Variants in ARRB2 observed in about 807,000 individuals in gnomAD.
ARRB2 encodes the protein arrestin beta 2.
In ARRB2, 21 loss-of-function variants were observed where a neutral mutation model predicts 53.4. The ratio of observed to expected loss-of-function variants is 0.39; its 90% confidence interval spans 0.28 to 0.57. The LOEUF is 0.57. ARRB2 is among the 20% of genes least tolerant of loss of function. ARRB2 has a pLI of 0.55. For synonymous variants in ARRB2, 180 were observed against 212.9 expected (o/e 0.85, Z 1.34); for missense variants, 369 against 527.5 (o/e 0.70, Z 2.94).
rs1485908093 is a variant in ARRB2, at chr17:4,720,928, C to G, written c.1137-18C>G. On this transcript the variant is annotated intron_variant, in intron 14 of 14. Transcript: ENST00000269260. ...AGTCAGAAGCCCTCACCTCACAACCCTCTTTCCCACCACCAAGCTATGCCA... is the reference window on the plus strand; with the variant it reads ...AGTCAGAAGCCCTCACCTCACAACCGTCTTTCCCACCACCAAGCTATGCCA... The G allele has an allele frequency of 1.9e-6, 3 of 1,613,080 alleles. No individual in the cohort carries two copies. The highest frequency in any genetic ancestry group is 2.7e-5 in the African/African-American group (2 of 74,894).
chr17:4,714,371 G>C (rs1366537392), intron 1 of ARRB2, among the ~76,000 whole-genome samples: 1 of 152,180 alleles, frequency 6.6e-6, no homozygotes. Flanking sequence ...CAAAGGCCAG[G>C]GTCATTGCTC....
At chr17:4,716,648 GC>G in intron 5 of ARRB2, 40 bp downstream of exon 5, 1 of 1,544,696 alleles carries the variant, frequency 6.5e-7, no homozygotes, top group Non-Finnish European at 8.7e-7. Flanking sequence ...GGGGGCTGGG[GC>G]TGGGACTGTG....
intron 1 of ARRB2, among the ~76,000 whole-genome samples, chr17:4,712,080 T>C (rs757362973): frequency 3.3e-5 from 5 of 152,172 alleles, no homozygotes; most frequent in Non-Finnish European, 7.4e-5. Context: ...CACACTCCAG[T>C]TGGCCCACTG....
At position 4,717,702 on chromosome 17, in the gene ARRB2, T is replaced by C. The variant is rs754356239; in HGVS notation, c.435T>C (p.Phe145=). Residue 145 remains phenylalanine (F), a synonymous_variant, in exon 7 of 15, where the codon TTT becomes TTC. Coordinates refer to ENST00000269260, the MANE Select transcript of ARRB2 (RefSeq NM_004313.4). This position sits in a 1 kb window ranked among gnomAD's most constrained non-coding sequence, Gnocchi z 6.0. ...EDTGKACGVD[F]EIRAFCAKSL... ...TCCCCGAGGCCTGCGGCGTAGACTT[T>C]GAGATTCGAGCCTTCTGTGCTAAAT... 23 of 1,612,556 alleles carry C rather than the reference T, an allele frequency of 1.4e-5. No individual in the cohort carries two copies. Among genetic ancestry groups the C allele is most frequent in the Non-Finnish European group, 2.0e-5 (23 of 1,178,680 alleles).
chr17:4,720,899 C>T (rs1702610501), intron 14 of ARRB2, 47 bp from the exon 15 acceptor site: 1 of 1,585,250 alleles, frequency 6.3e-7, no homozygotes, highest in Non-Finnish European at 8.7e-7. Flanking sequence ...GAGGCTGGGA[C>T]AAGAGTCAGA....
chr17:4,715,071 G>A (rs1312861149), intron 2 of ARRB2, 28 bp downstream of exon 2: 8 of 1,600,740 alleles, frequency 5.0e-6, no homozygotes, highest in Non-Finnish European at 6.8e-6. Context: ...TTACCCTTTT[G>A]ACCCTCCCTG....
At chr17:4,716,277 A>T in intron 4 of ARRB2, 86 bp downstream of exon 4, 1 of 1,608,258 alleles carries the variant, frequency 6.2e-7, no homozygotes, top group Non-Finnish European at 8.5e-7. Flanking sequence ...CCCCAGAGAG[A>T]TGGAGGCTGG....
intron 1 of ARRB2, among the ~76,000 whole-genome samples, chr17:4,712,875 C>T (rs1914556694): frequency 1.3e-5 from 2 of 152,266 alleles, no homozygotes; most frequent in Non-Finnish European, 2.9e-5. Flanking sequence ...CCACCATTTA[C>T]TCCCTCTGTG....
intron 2 of ARRB2, chr17:4,715,715 ACACACACACAAAC>A: frequency 4.3e-6 from 2 of 460,372 alleles, no homozygotes; most frequent in Non-Finnish European, 7.9e-6. Flanking sequence ...ACACACACAC[ACACACACACAAAC>A]ACACACACAC....
chr17:4,715,492 C>CACAA (rs1914869812), intron 2 of ARRB2: 3 of 172,880 alleles, frequency 1.7e-5, no homozygotes, highest in African/African-American at 9.1e-5. Flanking sequence ...CACAGACACA[C>CACAA]ACACACATAC....
chr17:4,715,265 C>A (rs1173316275), intron 2 of ARRB2: 2 of 571,990 alleles, frequency 3.5e-6, no homozygotes, highest in Non-Finnish European at 3.1e-6. Flanking sequence ...GCTTGGGTCC[C>A]CAAGCAAGAC....
Position 4,717,076 on chromosome 17 carries a change from C to T in ARRB2, c.358-141C>T, listed in dbSNP as rs1597481948. On this transcript the variant is annotated intron_variant, in intron 5 of 14. Transcript: ENST00000269260. The surrounding 1 kb of genome is among the most constrained non-coding windows in gnomAD (Gnocchi z 6.0). ...CTGGAACCCCTGACCTCAGGTGATC[C>T]GCCCACCTTAGCCTTCCAAAGTGTT... 9.3e-6 allele frequency: 9 copies of T among 966,940 alleles called. No homozygotes were observed. In the East Asian group the frequency reaches 1.2e-4, roughly 13 times the overall value. 59.9% of individuals were successfully genotyped at this position (966,940 alleles called of 1,614,324 possible). A position where few individuals can be genotyped will look rare whatever the true frequency, so the allele number is the denominator to read the frequency against.
Position 4,716,609 on chromosome 17 carries a change from G to A in ARRB2, c.357+1G>A, listed in dbSNP as rs1369340959. ...GCATGCCCACCCCTTCTTCTTCACC[G>A]TGAGGATGCCCCTGCCCTCTGAGGG... is the stretch of plus-strand genomic sequence containing the variant. On this transcript the variant is annotated splice_donor_variant, in intron 5 of 14. Coordinates refer to ENST00000269260, the MANE Select transcript of ARRB2 (RefSeq NM_004313.4). LOFTEE classifies it high-confidence loss of function. 2.7e-6 allele frequency: 4 copies of A among 1,480,558 alleles called. No individual in the cohort carries two copies. Among genetic ancestry groups the A allele is most frequent in the Admixed American group, 2.0e-5 (1 of 49,234 alleles). 91.7% of individuals were successfully genotyped at this position (1,480,558 alleles called of 1,614,324 possible). A position where few individuals can be genotyped will look rare whatever the true frequency, so the allele number is the denominator to read the frequency against.
rs1193624988 is a variant in ARRB2, at chr17:4,717,369, A to T, written c.417+93A>T. The T allele has an allele frequency of 3.4e-6, 5 of 1,492,092 alleles. No homozygotes were observed. In the East Asian group the frequency reaches 9.0e-5, roughly 27 times the overall value. 92.4% of individuals were successfully genotyped at this position (1,492,092 alleles called of 1,614,324 possible). ...CTGAGCCAGAGGGTGAACTGTCGAG[A>T]TGCCAGGGTGGGGCCGAGGGTAGGC... On this transcript the variant is annotated intron_variant, in intron 6 of 14. Coordinates refer to ENST00000269260, the MANE Select transcript of ARRB2 (RefSeq NM_004313.4). The surrounding 1 kb of genome is among the most constrained non-coding windows in gnomAD (Gnocchi z 6.0).
chr17:4,715,429 C>G, intron 2 of ARRB2: 1 of 295,160 alleles, frequency 3.4e-6, no homozygotes. Context: ...GGCAGCTGCT[C>G]TCTAGCTGGC....
Position 4,715,995 on chromosome 17 carries a change from G to A in ARRB2, c.77G>A (p.Arg26Gln), listed in dbSNP as rs1914985410. 5.0e-6 allele frequency: 8 copies of A among 1,614,068 alleles called. No homozygotes were observed. Among genetic ancestry groups the A allele is most frequent in the Admixed American group, 1.7e-5 (1 of 60,008 alleles). ...CAGCTCACCGTGTACTTGGGCAAGC[G>A]GGACTTCGTAGATCACCTGGACAAA... ...NCKLTVYLGK[R>Q]DFVDHLDKVD... The change falls in exon 3 of 15, where the codon CGG becomes CAG. Residue 26 changes from arginine (R) to glutamine (Q), a missense_variant. Arg to Gln is a conservative substitution (Grantham distance 43). Transcript: ENST00000269260.
At chr17:4,714,518 C>G (rs544992653) in intron 1 of ARRB2, 1 of 214,826 alleles carries the variant, frequency 4.7e-6, no homozygotes, top group Non-Finnish European at 9.2e-6. Flanking sequence ...GTGGCCATTA[C>G]TGGGGAGGGA....
Position 4,717,619 on chromosome 17 carries a change from G to T in ARRB2, c.418-66G>T. 6.3e-7 allele frequency: 1 copy of T among 1,599,524 alleles called. No homozygotes were observed. The highest frequency in any genetic ancestry group is 8.6e-7 in the Non-Finnish European group (1 of 1,167,820). ...CCTGCCCGAGAGGAGGGAAGGGGGA[G>T]GAAGAAAGGGCAGTGATGGTGGCGG... On this transcript the variant is annotated intron_variant, in intron 6 of 14. Coordinates refer to ENST00000269260, the MANE Select transcript of ARRB2 (RefSeq NM_004313.4). This position sits in a 1 kb window ranked among gnomAD's most constrained non-coding sequence, Gnocchi z 6.0.
chr17:4,720,414 T>C lies in ARRB2; in HGVS notation c.1023T>C (p.Pro341=). The C allele has an allele frequency of 6.2e-7, 1 of 1,613,716 alleles. No homozygotes were observed. Among genetic ancestry groups the C allele is most frequent in the Non-Finnish European group, 8.5e-7 (1 of 1,179,876 alleles). ...CCAGGGATGTCTCTGTGGAGCTGCC[T>C]TTTGTTCTTATGCACCCCAAGCCCC... ...SRGGDVSVEL[P]FVLMHPKPHD... is the part of the protein sequence containing the mutation. The change falls in exon 13 of 15, where the codon CCT becomes CCC. Residue 341 remains proline (P), a synonymous_variant. Transcript: ENST00000269260.
Sources: allele counts gnomAD v4.1 joint callset (sites outside exome capture counted in the v4.1 genomes callset), GRCh38; gene constraint gnomAD v4.1.1; non-coding constraint Gnocchi (gnomAD v3.1); transcripts MANE v1.5; gene names NCBI Gene and HGNC (gene_info 2026-07-23, HGNC 2026-07-21).